Variants in LRTM3 observed in about 807,000 individuals in gnomAD.
LRTM3 encodes the protein leucine-rich repeat transmembrane protein 3.
At chr13:102,746,388 C>T in the LRTM3 span, 2 of 1,551,006 alleles carry the variant, frequency 1.3e-6, no homozygotes, top group Non-Finnish European at 1.7e-6. Context: ...TCTGCTGTTT[C>T]TCCTTGCTTT....
chr13:102,730,410 G>A, the LRTM3 span: 5 of 1,550,800 alleles, frequency 3.2e-6, no homozygotes, highest in Middle Eastern at 6.7e-4. Context: ...TCAGAAATCT[G>A]AGTTTCACAT....
At chr13:102,736,211 G>A in the LRTM3 span, 1 of 1,548,476 alleles carries the variant, frequency 6.5e-7, no homozygotes, top group East Asian at 2.4e-5. Context: ...AGGCATGAAT[G>A]GATGAGTTTT....
chr13:102,732,833 A>G, the LRTM3 span: 1 of 1,551,010 alleles, frequency 6.4e-7, no homozygotes, highest in Non-Finnish European at 8.7e-7. Context: ...ATCATTGTCC[A>G]TTTCTAATTT....
chr13:102,735,321 G>A, the LRTM3 span: 1 of 1,551,242 alleles, frequency 6.4e-7, no homozygotes, highest in Non-Finnish European at 8.7e-7. Flanking sequence ...TCACTTGAAA[G>A]TTCTCCATGG....
the LRTM3 span, chr13:102,730,205 A>G: frequency 6.4e-7 from 1 of 1,551,150 alleles, no homozygotes; most frequent in Non-Finnish European, 8.7e-7. Flanking sequence ...AAATGATTTC[A>G]AATCAGTCGT....
chr13:102,732,190 G>A, the LRTM3 span: 5 of 1,551,190 alleles, frequency 3.2e-6, no homozygotes, highest in African/African-American at 1.4e-5. Context: ...TAGGAAGACA[G>A]ATTCTCTTTT....
the LRTM3 span, chr13:102,749,725 A>G: frequency 6.4e-7 from 1 of 1,551,234 alleles, no homozygotes; most frequent in African/African-American, 1.4e-5. Context: ...ATTCTTGGTT[A>G]TGATTTATAT....
At chr13:102,739,354 A>C in the LRTM3 span, 1 of 1,549,558 alleles carries the variant, frequency 6.5e-7, no homozygotes, top group South Asian at 1.2e-5. Flanking sequence ...ATTCTATTAC[A>C]TTACTTAAAC....
chr13:102,754,848 C>T, the LRTM3 span, among the ~76,000 whole-genome samples: 1 of 152,152 alleles, frequency 6.6e-6, no homozygotes, highest in Non-Finnish European at 1.5e-5. Flanking sequence ...CAATCAATGG[C>T]AATCCTATAG....
At chr13:102,738,254 G>T in the LRTM3 span, 1 of 1,550,532 alleles carries the variant, frequency 6.4e-7, no homozygotes, top group Non-Finnish European at 8.7e-7. Flanking sequence ...GTAATCTTTT[G>T]CTTTTTGTAC....
chr13:102,743,255 G>T, the LRTM3 span: 85 of 1,550,496 alleles, frequency 5.5e-5, no homozygotes, highest in Non-Finnish European at 6.8e-5. Flanking sequence ...TTCAGCTAGT[G>T]ACTCTATTTG....
the LRTM3 span, chr13:102,741,466 A>G: frequency 6.5e-7 from 1 of 1,549,912 alleles, no homozygotes; most frequent in South Asian, 1.2e-5. Flanking sequence ...CTACAAATAT[A>G]TCAGTTTCCT....
At chr13:102,740,686 C>G in the LRTM3 span, 1 of 1,547,966 alleles carries the variant, frequency 6.5e-7, no homozygotes, top group Non-Finnish European at 8.7e-7. Flanking sequence ...ATGCATTGAA[C>G]TGAAATAGAT....
chr13:102,748,406 A>G, the LRTM3 span: 3 of 1,551,218 alleles, frequency 1.9e-6, no homozygotes, highest in Non-Finnish European at 2.6e-6. Context: ...GACATTTGAC[A>G]ACTCCAGAAC....
chr13:102,742,717 A>G, the LRTM3 span: 1 of 1,550,662 alleles, frequency 6.4e-7, no homozygotes, highest in Non-Finnish European at 8.7e-7. Flanking sequence ...TACCTTGGGG[A>G]CTTGACCTGT....
the LRTM3 span, chr13:102,746,299 C>G: frequency 6.4e-7 from 1 of 1,551,034 alleles, no homozygotes; most frequent in South Asian, 1.2e-5. Flanking sequence ...CTTTATGTTC[C>G]TCTTCCTTTC....
the LRTM3 span, among the ~76,000 whole-genome samples, chr13:102,754,985 T>C: frequency 1.3e-5 from 2 of 152,204 alleles, no homozygotes; most frequent in Non-Finnish European, 2.9e-5. Context: ...GTCAGGTGGT[T>C]GGTGGCAGAC....
the LRTM3 span, chr13:102,735,182 G>A: frequency 9.9e-5 from 153 of 1,551,170 alleles, 1 homozygote; most frequent in South Asian, 1.1e-4. Flanking sequence ...GAAACTGTGC[G>A]TATGTAAGAC....
At chr13:102,732,728 G>A in the LRTM3 span, 3 of 1,551,112 alleles carry the variant, frequency 1.9e-6, no homozygotes, top group Middle Eastern at 1.7e-4. Context: ...CAGATTGGCA[G>A]TCCTGGCCTT....
Sources: allele counts gnomAD v4.1 joint callset (sites outside exome capture counted in the v4.1 genomes callset), GRCh38; gene constraint gnomAD v4.1.1; transcripts MANE v1.5; gene names NCBI Gene and HGNC (gene_info 2026-07-23, HGNC 2026-07-21).